Variants in NMB observed in about 807,000 individuals in gnomAD.
NMB encodes neuromedin B.
A neutral mutation model predicts 11.7 loss-of-function variants in NMB; 12 were observed. The observed-to-expected ratio is 1.03, with a 90% CI of 0.66 to 1.66. The LOEUF is 1.66. NMB is among the 40% of genes most tolerant of loss of function. The pLI, the probability that NMB is intolerant of heterozygous loss-of-function variation, is 0.00. For synonymous variants in NMB, 76 were observed against 72.6 expected (o/e 1.05, Z -0.24); for missense variants, 174 against 157.9 (o/e 1.10, Z -0.55).
At chr15:84,656,979 T>C (rs1029709591) in intron 2 of NMB, among the ~76,000 whole-genome samples, 197 bp downstream of exon 2, 3 of 152,224 alleles carry the variant, frequency 2.0e-5, no homozygotes, top group Admixed American at 6.5e-5. Flanking sequence ...CAGCTTCCTT[T>C]CTTTGGACTG....
intron 2 of NMB, 105 bp downstream of exon 2, chr15:84,657,071 G>T: frequency 1.9e-6 from 2 of 1,063,930 alleles, no homozygotes; most frequent in Non-Finnish European, 2.6e-6. Flanking sequence ...GTCCTAGTCA[G>T]ACAGTCACAC....
intron 2 of NMB, 101 bp from the exon 3 acceptor site, chr15:84,655,510 ACCAGCAGGC>A: frequency 6.7e-7 from 1 of 1,487,216 alleles, no homozygotes; most frequent in Non-Finnish European, 9.3e-7. Context: ...AGAGGTGGGC[ACCAGCAGGC>A]TGTCAGCTGA....
At chr15:84,655,461 A>G (rs1413229905) in intron 2 of NMB, 52 bp from the exon 3 acceptor site, 2 of 1,609,234 alleles carry the variant, frequency 1.2e-6, no homozygotes, top group Admixed American at 3.3e-5. Flanking sequence ...CCTGATAAAG[A>G]TAGGGGCATC....
intron 2 of NMB, among the ~76,000 whole-genome samples, chr15:84,656,782 G>A (rs1190113666): frequency 1.3e-5 from 2 of 151,970 alleles, no homozygotes; most frequent in Non-Finnish European, 2.9e-5. Flanking sequence ...AGCATACACA[G>A]GACACAGCAA....
Position 84,658,168 on chromosome 15 carries a change from G to A in NMB, c.-16C>T, listed in dbSNP as rs770177046. Reference sequence around the variant, plus strand: ...GCCGGGCCATGGCTGTGCCCGGGCCGCGGCTTCGTTCGGGCGCGCTTCCCG... The same window carrying A: ...GCCGGGCCATGGCTGTGCCCGGGCCACGGCTTCGTTCGGGCGCGCTTCCCG... On this transcript the variant is annotated 5_prime_UTR_variant, in exon 1 of 3. Transcript: ENST00000360476. 1.9e-5 allele frequency: 28 copies of A among 1,442,618 alleles called. No individual in the cohort carries two copies. Among genetic ancestry groups the A allele is most frequent in the Middle Eastern group, 4.5e-4 (2 of 4,404 alleles). 89.4% of individuals were successfully genotyped at this position (1,442,618 alleles called of 1,614,324 possible).
In NMB at chr15:84,658,077, G is replaced by A. The variant is rs1896809052; in HGVS notation, c.76C>T (p.Pro26Ser). The change falls in exon 1 of 3, where the codon CCG (proline) becomes TCG (serine). Residue 26 changes from proline (P) to serine (S), a missense_variant. This residue lies in a region of NMB where 168 missense variants were observed against 138.4 expected (regional missense o/e 1.21). Coordinates refer to ENST00000360476, the MANE Select transcript of NMB (RefSeq NM_021077.4). ...LFALLAAGVA[P>S]LSWDLPEPRS... The stretch of plus-strand genomic sequence containing the variant: ...GGCTCCGGGAGATCCCAGCTGAGCG[G>A]GGCGACGCCGGCAGCGAGCAGGGCG... 6.3e-7 allele frequency: 1 copy of A among 1,583,506 alleles called. No homozygotes were observed. The highest frequency in any genetic ancestry group is 1.4e-5 in the African/African-American group (1 of 72,100).
intron 1 of NMB, among the ~76,000 whole-genome samples, chr15:84,657,551 G>A (rs1341881194): frequency 5.9e-5 from 9 of 152,230 alleles, no homozygotes; most frequent in Non-Finnish European, 1.2e-4. Flanking sequence ...TCCTGAACAG[G>A]TAGAGAGGAT....
Position 84,657,328 on chromosome 15 carries a change from T to G in NMB, c.178A>C (p.Ser60Arg), listed in dbSNP as rs1896796575. 2.6e-6 allele frequency: 4 copies of G among 1,547,954 alleles called. No individual in the cohort carries two copies. Among genetic ancestry groups the G allele is most frequent in the Non-Finnish European group, 8.7e-7 (1 of 1,147,686 alleles). Reference protein sequence around the residue: ...WATGHFMGKKSLEPSSPSPLG... With the variant: ...WATGHFMGKKRLEPSSPSPLG... ...GGGGATGGGCTGGAAGGCTCCAGAC[T>G]CTTCTTGCCCATGAAGTGACCTGGA... The change falls in exon 2 of 3, where the codon AGT becomes CGT. Residue 60 changes from serine (S) to arginine (R), a missense_variant. Ser to Arg is a moderately radical substitution (Grantham distance 110). Around this residue, in one of 2 missense-constraint regions of NMB, gnomAD observed 168 missense variants for 138.4 expected, o/e 1.21. Transcript: ENST00000360476.
Position 84,657,351 on chromosome 15 carries a change from G to C in NMB, c.158-3C>G. 3 of 1,492,346 alleles carry C rather than the reference G, an allele frequency of 2.0e-6. No homozygotes were observed. The highest frequency in any genetic ancestry group is 2.7e-6 in the Non-Finnish European group (3 of 1,120,076). The allele number at this position is 1,492,346 out of a possible 1,614,324, so 92.4% of individuals were successfully genotyped here. On this transcript the variant is annotated splice_region_variant and splice_polypyrimidine_tract_variant and intron_variant, in intron 1 of 2. Coordinates refer to ENST00000360476, the MANE Select transcript of NMB (RefSeq NM_021077.4). ...ACTCTTCTTGCCCATGAAGTGACCT[G>C]GAAAGGAGGTGTCCAGGCACAAGGA... is the stretch of plus-strand genomic sequence containing the variant.
Position 84,655,211 on chromosome 15 carries a change from A to G in NMB, c.*163T>C, listed in dbSNP as rs888258472. ...CAGGAACATAATCTGTGTCTGCATCAGCGATATTTCTGGTGACCCAGCCAG... is the reference window on the plus strand; with the variant it reads ...CAGGAACATAATCTGTGTCTGCATCGGCGATATTTCTGGTGACCCAGCCAG... On this transcript the variant is annotated 3_prime_UTR_variant, in exon 3 of 3. Transcript: ENST00000360476. 4 of 1,526,848 alleles carry G rather than the reference A, an allele frequency of 2.6e-6. No homozygotes were observed. The South Asian group carries it at 3.8e-5, about 15-fold the overall frequency. The allele number at this position is 1,526,848 out of a possible 1,614,324, so 94.6% of individuals were successfully genotyped here. A position where few individuals can be genotyped will look rare whatever the true frequency, so the allele number is the denominator to read the frequency against.
intron 2 of NMB, among the ~76,000 whole-genome samples, chr15:84,656,291 A>T (rs575085256): frequency 6.6e-6 from 1 of 152,196 alleles, no homozygotes; most frequent in East Asian, 1.9e-4. Context: ...ACACAGCAGC[A>T]GGACCAGGGA....
intron 2 of NMB, among the ~76,000 whole-genome samples, chr15:84,656,688 G>A (rs542741294): frequency 6.6e-6 from 1 of 152,006 alleles, no homozygotes; most frequent in South Asian, 2.1e-4. Context: ...AAGAGCTCCA[G>A]TCCAGGTGAA....
At chr15:84,657,427 A>C (rs1896798246) in intron 1 of NMB, 79 bp from the exon 2 acceptor site, 2 of 1,290,584 alleles carry the variant, frequency 1.5e-6, no homozygotes, top group Non-Finnish European at 2.0e-6. Context: ...CATCTCTCCC[A>C]CGTTTCCGTT....
Position 84,658,066 on chromosome 15 carries a change from C to A in NMB, c.87G>T (p.Trp29Cys). Residue 29 changes from tryptophan (W) to cysteine (C), a missense_variant, in exon 1 of 3, where the codon TGG becomes TGT. Physicochemically the swap from Trp to Cys is radical, Grantham distance 215 (BLOSUM62 -2). Around this residue, in one of 2 missense-constraint regions of NMB, gnomAD observed 168 missense variants for 138.4 expected, o/e 1.21. Transcript: ENST00000360476. ...CTCGGCTGCGGGGCTCCGGGAGATC[C>A]CAGCTGAGCGGGGCGACGCCGGCAG... ...LLAAGVAPLS[W>C]DLPEPRSRAS... is the part of the protein sequence containing the mutation. 6.3e-7 allele frequency: 1 copy of A among 1,587,070 alleles called. No homozygotes were observed. The highest frequency in any genetic ancestry group is 1.1e-5 in the South Asian group (1 of 89,296).
intron 1 of NMB, among the ~76,000 whole-genome samples, 171 bp downstream of exon 1, chr15:84,657,825 C>T (rs1896804493): frequency 6.6e-6 from 1 of 152,216 alleles, no homozygotes; most frequent in African/African-American, 2.4e-5. Context: ...TTAGCCAAGT[C>T]ACTGACCTGT....
chr15:84,656,373 G>A (rs1261455121), intron 2 of NMB, among the ~76,000 whole-genome samples: 1 of 151,878 alleles, frequency 6.6e-6, no homozygotes, highest in Non-Finnish European at 1.5e-5. Context: ...GCTATACCTT[G>A]AGGCTAGCTT....
At chr15:84,657,851 A>G in intron 1 of NMB, 145 bp downstream of exon 1, 6 of 940,026 alleles carry the variant, frequency 6.4e-6, no homozygotes, top group South Asian at 1.9e-5. Flanking sequence ...TCTCAAGTAC[A>G]TATCTATTAA....
At position 84,657,676 on chromosome 15, in the gene NMB, G is replaced by C. The variant is rs141996274; in HGVS notation, c.157+320C>G. On this transcript the variant is annotated intron_variant, in intron 1 of 2. Coordinates refer to ENST00000360476, the MANE Select transcript of NMB (RefSeq NM_021077.4). ...CAGGGTAGGAAGTGGAGAGTGAAGA[G>C]GCGCCTGGAAAGTGGAGGTGCAGCA... Among the ~76,000 whole-genome samples, 299 of 152,284 alleles carry C rather than the reference G, an allele frequency of 2.0e-3. 4 individuals carry two copies. The highest frequency in any genetic ancestry group is 7.0e-3 in the African/African-American group (289 of 41,556).
At chr15:84,657,627 G>T (rs1000982676) in intron 1 of NMB, among the ~76,000 whole-genome samples, 1 of 152,204 alleles carries the variant, frequency 6.6e-6, no homozygotes, top group African/African-American at 2.4e-5. Context: ...TGTGTGGGCT[G>T]CTTGGACAAG....
Sources: allele counts gnomAD v4.1 joint callset (sites outside exome capture counted in the v4.1 genomes callset), GRCh38; gene constraint gnomAD v4.1.1; regional missense constraint gnomAD v4.1.1; transcripts MANE v1.5; gene names NCBI Gene and HGNC (gene_info 2026-07-23, HGNC 2026-07-21).